FAM72D: variants seen among roughly 807,000 people sequenced by gnomAD.
FAM72D encodes the protein protein FAM72D.
For synonymous variants in FAM72D, 4 were observed against 35.1 expected, an observed-to-expected ratio of 0.11 and a Z score of 3.13; for missense variants, 9 against 104.7, an observed-to-expected ratio of 0.09 and a Z score of 3.99.
At chr1:145,107,478 A>T (rs1654979105) in intron 3 of FAM72D, among the ~76,000 whole-genome samples, 2 of 124,690 alleles carry the variant, frequency 1.6e-5, no homozygotes, top group Admixed American at 8.1e-5. Context: ...ACCTCAGGGG[A>T]TCCGCCTGCC....
chr1:145,107,537 C>G lies in FAM72D; in HGVS notation c.356-3966C>G, dbSNP rs1436714652. Among the ~76,000 whole-genome samples, 5 of 127,536 alleles carry G rather than the reference C, an allele frequency of 3.9e-5. No individual in the cohort carries two copies. The East Asian group carries it at 1.1e-3, about 28-fold the overall frequency. 83.7% of individuals were successfully genotyped at this position (127,536 alleles called of 152,430 possible). A position where few individuals can be genotyped will look rare whatever the true frequency, so the allele number is the denominator to read the frequency against. On this transcript the variant is annotated intron_variant, in intron 3 of 3. Transcript: ENST00000400889. ...TACATGGGATTACAGACGTGAGTCA[C>G]CATGCCTGGCCTGAAGTACCTTTTT... is the stretch of plus-strand genomic sequence containing the variant.
chr1:145,101,525 GTT>G (rs1311652656), intron 2 of FAM72D, among the ~76,000 whole-genome samples: 1 of 90,320 alleles, frequency 1.1e-5, no homozygotes, highest in Non-Finnish European at 2.0e-5. Context: ...GTATGGAAAG[GTT>G]TTTATTTTCA....
intron 3 of FAM72D, among the ~76,000 whole-genome samples, chr1:145,107,482 G>A (rs1277281070): frequency 0.012 from 1,470 of 124,472 alleles, 4 homozygotes; most frequent in African/African-American, 0.043. Flanking sequence ...CAGGGGATCC[G>A]CCTGCCTCAG....
Position 145,112,370 on chromosome 1 carries a change from A to G in FAM72D, c.*773A>G, listed in dbSNP as rs1389287623. ...TCCTAAATCTTAAATAGAAAAAAAA[A>G]CTAAAGCGATTTGCTTAAGCCATTG... On this transcript the variant is annotated 3_prime_UTR_variant, in exon 4 of 4. Coordinates refer to ENST00000400889, the MANE Select transcript of FAM72D (RefSeq NM_207418.3). The G allele has an allele frequency of 6.6e-6, 1 of 151,532 alleles. No individual in the cohort carries two copies. 9.4% of individuals were successfully genotyped at this position (151,532 alleles called of 1,614,324 possible).
chr1:145,107,300 C>T (rs1249732429), intron 3 of FAM72D, among the ~76,000 whole-genome samples: 1 of 126,338 alleles, frequency 7.9e-6, no homozygotes, highest in African/African-American at 3.1e-5. Context: ...GGCTGATGTG[C>T]AATGGTGTCA....
chr1:145,105,525 T>C (rs2102551549), intron 3 of FAM72D, among the ~76,000 whole-genome samples: 1 of 128,482 alleles, frequency 7.8e-6, no homozygotes, highest in African/African-American at 3.0e-5. Flanking sequence ...AATAAAAAAT[T>C]AGCTGGGCGT....
At chr1:145,104,255 G>C (rs1295433359) in intron 3 of FAM72D, among the ~76,000 whole-genome samples, 3 of 142,924 alleles carry the variant, frequency 2.1e-5, no homozygotes, top group Non-Finnish European at 4.6e-5. Context: ...CCTTGATGTT[G>C]ATGACTGCAA....
chr1:145,101,073 C>G lies in FAM72D; in HGVS notation c.231-1934C>G, dbSNP rs1421743318. On this transcript the variant is annotated intron_variant, in intron 2 of 3. Coordinates refer to ENST00000400889, the MANE Select transcript of FAM72D (RefSeq NM_207418.3). ...TCTCTCACCTCTGCCTCCCGAGTAGCTGGGACTACAGGCACATGCCACCAT... is the reference window on the plus strand; with the variant it reads ...TCTCTCACCTCTGCCTCCCGAGTAGGTGGGACTACAGGCACATGCCACCAT... Among the ~76,000 whole-genome samples, 5 of 150,530 alleles carry G rather than the reference C, an allele frequency of 3.3e-5. 1 individual carries two copies. Among genetic ancestry groups the G allele is most frequent in the Non-Finnish European group, 5.9e-5 (4 of 67,942 alleles).
At chr1:145,100,912 G>A (rs1450023726) in intron 2 of FAM72D, among the ~76,000 whole-genome samples, 2 of 143,264 alleles carry the variant, frequency 1.4e-5, no homozygotes, top group African/African-American at 5.3e-5. Context: ...TGAGATTACA[G>A]GTGTGAGCCA....
intron 2 of FAM72D, among the ~76,000 whole-genome samples, chr1:145,100,343 CTCT>C (rs1169756903): frequency 3.1e-4 from 32 of 103,548 alleles, no homozygotes; most frequent in African/African-American, 3.8e-5. Flanking sequence ...AATTGGCAAG[CTCT>C]TCTTATGTGC....
At chr1:145,101,089 A>C (rs9697523) in intron 2 of FAM72D, among the ~76,000 whole-genome samples, 5 of 148,320 alleles carry the variant, frequency 3.4e-5, no homozygotes, top group Admixed American at 6.7e-5. Flanking sequence ...CTACAGGCAC[A>C]TGCCACCATG....
chr1:145,101,029 T>A (rs1401599487), intron 2 of FAM72D, among the ~76,000 whole-genome samples: 1 of 150,650 alleles, frequency 6.6e-6, no homozygotes, highest in Non-Finnish European at 1.5e-5. Flanking sequence ...GAAACCTCCG[T>A]CTTCTGGGTT....
intron 2 of FAM72D, among the ~76,000 whole-genome samples, chr1:145,100,792 C>T (rs1654670157): frequency 6.6e-6 from 1 of 150,598 alleles, no homozygotes; most frequent in Non-Finnish European, 1.5e-5. Flanking sequence ...GCACCCAGCC[C>T]ACCCGGCTAA....
At chr1:145,101,105 T>G (rs1553637910) in intron 2 of FAM72D, among the ~76,000 whole-genome samples, 1 of 145,414 alleles carries the variant, frequency 6.9e-6, no homozygotes, top group African/African-American at 2.7e-5. Context: ...CCATGCCCAG[T>G]TAATTTTCGT....
intron 2 of FAM72D, among the ~76,000 whole-genome samples, chr1:145,100,941 A>T (rs1439504514): frequency 7.8e-5 from 11 of 141,800 alleles, no homozygotes; most frequent in Admixed American, 6.3e-4. Flanking sequence ...GGGCAACGAC[A>T]TTTTTTTTGT....
intron 2 of FAM72D, among the ~76,000 whole-genome samples, chr1:145,102,803 G>A (rs587613282): frequency 2.3e-5 from 3 of 132,726 alleles, no homozygotes; most frequent in Non-Finnish European, 4.9e-5. Flanking sequence ...AAAGAAATGT[G>A]AGAATATTTT....
intron 3 of FAM72D, among the ~76,000 whole-genome samples, chr1:145,107,704 C>T (rs1271025191): frequency 5.1e-5 from 3 of 58,526 alleles, no homozygotes; most frequent in African/African-American, 2.1e-4. Context: ...ATTATAGGTG[C>T]GCACCACTAC....
intron 3 of FAM72D, among the ~76,000 whole-genome samples, chr1:145,107,156 A>T (rs1553638519): frequency 1.4e-5 from 2 of 143,544 alleles, no homozygotes; most frequent in Middle Eastern, 3.6e-3. Context: ...AAAAAAAATT[A>T]TTTTAGTAAG....
At chr1:145,105,622 A>G (rs587612785) in intron 3 of FAM72D, among the ~76,000 whole-genome samples, 2 of 149,620 alleles carry the variant, frequency 1.3e-5, no homozygotes, top group African/African-American at 2.5e-5. Context: ...CCGAGATCGC[A>G]CCATTGCACC....
Sources: allele counts gnomAD v4.1 joint callset (sites outside exome capture counted in the v4.1 genomes callset), GRCh38; gene constraint gnomAD v4.1.1; transcripts MANE v1.5; gene names NCBI Gene and HGNC (gene_info 2026-07-23, HGNC 2026-07-21).